The following KLRD1 variants were observed in gnomAD, a reference collection of about 807,000 sequenced individuals.
KLRD1 encodes the protein killer cell lectin like receptor D1, also known as natural killer cells antigen CD94.
In KLRD1, 21 loss-of-function variants were observed where a neutral mutation model predicts 22.6. That is an observed-to-expected ratio of 0.93 (90% CI 0.66 to 1.34). The LOEUF (loss-of-function observed/expected upper bound fraction) is 1.34. Ranked by LOEUF, KLRD1 falls within the 40% of genes most tolerant of loss-of-function variation. The pLI is 0.00. For missense variants in KLRD1, 183 were observed against 208.6 expected (o/e 0.88, Z 0.76); for synonymous variants, 59 against 71.1 (o/e 0.83, Z 0.85).
intron 1 of KLRD1, among the ~76,000 whole-genome samples, chr12:10,269,425 G>A (rs1592043466): frequency 6.6e-6 from 1 of 152,086 alleles, no homozygotes; most frequent in Non-Finnish European, 1.5e-5. Context: ...TGCTGGGATT[G>A]CAGGCGTGAG....
At chr12:10,309,593 C>A in intron 2 of KLRD1, 33 bp from the exon 3 acceptor site, 1 of 1,513,402 alleles carries the variant, frequency 6.6e-7, no homozygotes, top group Non-Finnish European at 9.2e-7. Flanking sequence ...AAACCCATAC[C>A]TAATTAAACA....
chr12:10,308,155 G>T (rs1338683769), intron 1 of KLRD1, 71 bp downstream of exon 1: 1 of 1,375,578 alleles, frequency 7.3e-7, no homozygotes, highest in African/African-American at 1.4e-5. Flanking sequence ...TGATTTTGGG[G>T]TAATGCTTTA....
chr12:10,303,221 A>G (rs1456894478), upstream of KLRD1, among the ~76,000 whole-genome samples: 1 of 152,008 alleles, frequency 6.6e-6, no homozygotes, highest in Non-Finnish European at 1.5e-5. Flanking sequence ...TTATCTGCCT[A>G]CTCTCATTCA....
Position 10,316,378 on chromosome 12 carries a change from A to G in KLRD1, c.*1585A>G, listed in dbSNP as rs538341929. ...TGTTACAACTGCTACTTCATAGTTT[A>G]TGCCACTTATTTTATTTTTTACTTT... On this transcript the variant is annotated 3_prime_UTR_variant, in exon 6 of 6. Transcript: ENST00000336164. The G allele has an allele frequency of 6.6e-6, 1 of 152,048 alleles. No individual in the cohort carries two copies. The highest frequency in any genetic ancestry group is 1.5e-5 in the Non-Finnish European group (1 of 68,026). 9.4% of individuals were successfully genotyped at this position (152,048 alleles called of 1,614,324 possible).
rs1950389070 is a variant in KLRD1, at chr12:10,329,203, CTTTA to C, written c.*14414_*14417del. The stretch of plus-strand genomic sequence containing the variant: ...ACTACATCCCATAAGTTTTGTTAGA[CTTTA>C]TTTTTGTTTTCATTTATTCTAATGT... On this transcript the variant is annotated 3_prime_UTR_variant, in exon 6 of 6. Transcript: ENST00000336164. 6.6e-6 allele frequency: 1 copy of C among 152,100 alleles called. No homozygotes were observed. Among genetic ancestry groups the C allele is most frequent in the South Asian group, 2.1e-4 (1 of 4,830 alleles). 9.4% of individuals were successfully genotyped at this position (152,100 alleles called of 1,614,324 possible).
Position 10,319,042 on chromosome 12 carries a change from GTC to G in KLRD1, c.*4253_*4254del, listed in dbSNP as rs1297463760. On this transcript the variant is annotated 3_prime_UTR_variant, in exon 6 of 6. Transcript: ENST00000336164. ...CATATATTTTCAACTTTGTGGACCAGTCTCTGTTGAAACTTCTCAACCTTGCC... is the reference window on the plus strand; with the variant it reads ...CATATATTTTCAACTTTGTGGACCAGTCTGTTGAAACTTCTCAACCTTGCC... 4 of 152,118 alleles carry G rather than the reference GTC, an allele frequency of 2.6e-5. No homozygotes were observed. The allele number at this position is 152,118 out of a possible 1,614,324, so 9.4% of individuals were successfully genotyped here.
upstream of KLRD1, among the ~76,000 whole-genome samples, chr12:10,300,533 T>C (rs1006983876): frequency 6.6e-6 from 1 of 152,244 alleles, no homozygotes; most frequent in African/African-American, 2.4e-5. Context: ...ACTTTGTTTA[T>C]TCACTTGTAG....
intron 1 of KLRD1, among the ~76,000 whole-genome samples, chr12:10,278,995 T>G (rs570555214): frequency 2.6e-5 from 4 of 151,816 alleles, no homozygotes; most frequent in African/African-American, 9.7e-5. Flanking sequence ...CAGTTTTTTT[T>G]TTTTTTTAAT....
chr12:10,326,019 A>G lies in KLRD1; in HGVS notation c.*11226A>G, dbSNP rs1476092752. The G allele has an allele frequency of 6.6e-6, 1 of 152,112 alleles. No homozygotes were observed. Among genetic ancestry groups the G allele is most frequent in the African/African-American group, 2.4e-5 (1 of 41,406 alleles). 9.4% of individuals were successfully genotyped at this position (152,112 alleles called of 1,614,324 possible). On this transcript the variant is annotated 3_prime_UTR_variant, in exon 6 of 6. Transcript: ENST00000336164. The stretch of plus-strand genomic sequence containing the variant: ...TAGCCATCCTTATAAGTGAGAGATG[A>G]TATTTGGTGGTTATAATTTGCATTT...
chr12:10,303,097 A>G (rs933695239), upstream of KLRD1, among the ~76,000 whole-genome samples: 6 of 152,208 alleles, frequency 3.9e-5, no homozygotes, highest in Admixed American at 3.3e-4. Flanking sequence ...CAGAAGCAAG[A>G]TTAAATCAAC....
intron 1 of KLRD1, among the ~76,000 whole-genome samples, chr12:10,274,450 G>A (rs779032315): frequency 5.7e-4 from 87 of 152,124 alleles, no homozygotes; most frequent in Non-Finnish European, 1.1e-3. Flanking sequence ...AAGGAAAAAT[G>A]TAGTAAGAAG....
chr12:10,261,837 GA>G (rs1949456942), intron 1 of KLRD1, among the ~76,000 whole-genome samples: 2 of 152,022 alleles, frequency 1.3e-5, no homozygotes, highest in South Asian at 4.1e-4. Context: ...AGATTAATGG[GA>G]AAACACGTGA....
chr12:10,287,778 A>G (rs1318771531), intron 1 of KLRD1, among the ~76,000 whole-genome samples: 3 of 152,030 alleles, frequency 2.0e-5, no homozygotes, highest in Non-Finnish European at 4.4e-5. Context: ...TACCTCTGTA[A>G]GAAAGATCAG....
intron 1 of KLRD1, among the ~76,000 whole-genome samples, chr12:10,264,739 T>C (rs1362196189): frequency 1.3e-5 from 2 of 151,692 alleles, no homozygotes; most frequent in South Asian, 4.1e-4. Context: ...CTTAGCTAAT[T>C]TCAAGAGTCC....
intron 1 of KLRD1, among the ~76,000 whole-genome samples, chr12:10,258,407 T>C (rs2137627912): frequency 6.6e-6 from 1 of 152,190 alleles, no homozygotes; most frequent in Non-Finnish European, 1.5e-5. Flanking sequence ...GCTTTGGAAG[T>C]AGAACATATT....
intron 1 of KLRD1, among the ~76,000 whole-genome samples, chr12:10,239,465 C>T (rs1371463395): frequency 2.4e-5 from 1 of 41,450 alleles, no homozygotes; most frequent in African/African-American, 8.9e-5. Context: ...TTCCTTCCTT[C>T]CTTCCTTCCT....
intron 1 of KLRD1, among the ~76,000 whole-genome samples, chr12:10,277,338 A>G (rs1949601793): frequency 6.6e-6 from 1 of 152,140 alleles, no homozygotes; most frequent in African/African-American, 2.4e-5. Flanking sequence ...AAAAATATAA[A>G]CAAATGTTAT....
At chr12:10,294,275 T>A (rs1565462488) in intron 1 of KLRD1, among the ~76,000 whole-genome samples, 1 of 152,362 alleles carries the variant, frequency 6.6e-6, no homozygotes, top group East Asian at 1.9e-4. Flanking sequence ...AAGATCCATC[T>A]TAAGAAAAAC....
chr12:10,251,771 TC>T (rs1949348542), intron 1 of KLRD1, among the ~76,000 whole-genome samples: 1 of 151,854 alleles, frequency 6.6e-6, no homozygotes, highest in Non-Finnish European at 1.5e-5. Context: ...ACAACCTAGA[TC>T]CCTCGCATGT....
Sources: allele counts gnomAD v4.1 joint callset (sites outside exome capture counted in the v4.1 genomes callset), GRCh38; gene constraint gnomAD v4.1.1; transcripts MANE v1.5; gene names NCBI Gene and HGNC (gene_info 2026-07-23, HGNC 2026-07-21).